Variants in MCM8 observed in about 807,000 individuals in gnomAD.
MCM8 encodes the protein minichromosome maintenance 8 homologous recombination repair factor, also known as DNA helicase MCM8.
Under a neutral mutation model 98.9 loss-of-function variants are expected in MCM8, and 85 were observed. The ratio of observed to expected loss-of-function variants is 0.86; its 90% CI spans 0.72 to 1.03. MCM8 has a LOEUF of 1.03. Ranked by LOEUF, MCM8 falls within the 50% of genes least tolerant of loss-of-function variation. MCM8 has a pLI of 0.00. For synonymous variants in MCM8, 352 were observed against 338.6 expected, an observed-to-expected ratio of 1.04 and a Z score of -0.44; for missense variants, 951 against 997.8, an observed-to-expected ratio of 0.95 and a Z score of 0.63.
In MCM8 at chr20:5,993,506, C is replaced by G; in HGVS notation, c.2241C>G (p.Ser747Arg). Residue 747 changes from serine to arginine, a missense_variant and splice_region_variant, in exon 18 of 19, where the codon AGC (serine) becomes AGG (arginine). Ser to Arg is a moderately radical substitution (Grantham distance 110, BLOSUM62 -1). Transcript: ENST00000610722. ...AATTTTTTCTTCCTTTCTTTTTAAGCATGCTAGGAACTTACTCTGATGAAT... is the reference window on the plus strand; with the variant it reads ...AATTTTTTCTTCCTTTCTTTTTAAGGATGCTAGGAACTTACTCTGATGAAT... ...AEDIVEIMKY[S>R]MLGTYSDEFG... The G allele has an allele frequency of 6.6e-7, 1 of 1,515,342 alleles. No individual in the cohort carries two copies. Among genetic ancestry groups the G allele is most frequent in the Admixed American group, 2.0e-5 (1 of 50,828 alleles). 93.9% of individuals were successfully genotyped at this position (1,515,342 alleles called of 1,614,324 possible).
At chr20:5,952,385 C>A in intron 2 of MCM8, 39 bp from the exon 3 acceptor site, 1 of 1,597,558 alleles carries the variant, frequency 6.3e-7, no homozygotes, top group South Asian at 1.1e-5. Flanking sequence ...GAAAAATGTT[C>A]ACTCTGTTTC....
chr20:5,973,313 G>A (rs539357970), intron 12 of MCM8, 117 bp downstream of exon 12: 10 of 1,301,504 alleles, frequency 7.7e-6, no homozygotes, highest in Admixed American at 2.2e-5. Context: ...GTTAGGTGGC[G>A]TAAATGAATT....
intron 18 of MCM8, 106 bp from the exon 19 acceptor site, chr20:5,994,193 G>T: frequency 1.7e-6 from 1 of 586,764 alleles, no homozygotes; most frequent in Non-Finnish European, 2.8e-6. Flanking sequence ...AATTTTATTT[G>T]GCCAAGAAAC....
rs183297393 is a variant in MCM8 at position 5,963,964 on chromosome 20, C to A, written c.875+605C>A. 2.6e-3 allele frequency among the ~76,000 whole-genome samples: 397 copies of A among 152,244 alleles called. 2 individuals are homozygous for A. The highest frequency in any genetic ancestry group is 9.1e-3 in the African/African-American group (380 of 41,534). On this transcript the variant is annotated intron_variant, in intron 8 of 18. Transcript: ENST00000610722. Reference sequence around the variant, plus strand: ...TGTGATTAATTGAACTGGATATAGGCCATAAGCAAAGCTGTGTGCTTCATT... The same window carrying A: ...TGTGATTAATTGAACTGGATATAGGACATAAGCAAAGCTGTGTGCTTCATT...
At position 5,995,894 on chromosome 20, in the gene MCM8, A is replaced by T. The variant is rs1162095054; in HGVS notation, c.*1503A>T. On this transcript the variant is annotated 3_prime_UTR_variant, in exon 19 of 19. Coordinates refer to ENST00000610722, the MANE Select transcript of MCM8 (RefSeq NM_032485.6). ...TGTAAATAAAAAGAACTGGCAGTGTATATCAGATGTTTAACTATAGGACCA... is the reference window on the plus strand; with the variant it reads ...TGTAAATAAAAAGAACTGGCAGTGTTTATCAGATGTTTAACTATAGGACCA... The T allele has an allele frequency of 6.6e-6, 1 of 152,274 alleles. No individual in the cohort carries two copies. The highest frequency in any genetic ancestry group is 2.4e-5 in the African/African-American group (1 of 41,478). The allele number at this position is 152,274 out of a possible 1,614,324, so 9.4% of individuals were successfully genotyped here.
At chr20:5,993,910 C>T (rs1025570618) in intron 18 of MCM8, 12 of 426,258 alleles carry the variant, frequency 2.8e-5, no homozygotes, top group African/African-American at 4.0e-5. Flanking sequence ...CATCTTTTAA[C>T]GTTGCATCCC....
At chr20:5,956,401 G>A (rs976208792) in intron 5 of MCM8, among the ~76,000 whole-genome samples, 1 of 152,136 alleles carries the variant, frequency 6.6e-6, no homozygotes, top group African/African-American at 2.4e-5. Flanking sequence ...GTGTACAAGT[G>A]GTATTAAATG....
In MCM8 at chr20:5,994,628, A is replaced by C. The variant is rs577864424; in HGVS notation, c.*237A>C. Reference sequence around the variant, plus strand: ...AAGAAGTGATAAAGTCTCCAGATGCAGTAGCTCACACTGTAATCACAGTGA... The same window carrying C: ...AAGAAGTGATAAAGTCTCCAGATGCCGTAGCTCACACTGTAATCACAGTGA... On this transcript the variant is annotated 3_prime_UTR_variant, in exon 19 of 19. Transcript: ENST00000610722. The C allele has an allele frequency of 8.1e-6, 4 of 491,270 alleles. No individual in the cohort carries two copies. The highest frequency in any genetic ancestry group is 1.5e-5 in the Non-Finnish European group (4 of 271,824). 30.4% of individuals were successfully genotyped at this position (491,270 alleles called of 1,614,324 possible). A position where few individuals can be genotyped will look rare whatever the true frequency, so the allele number is the denominator to read the frequency against.
intron 3 of MCM8, among the ~76,000 whole-genome samples, chr20:5,953,470 T>TGC (rs1555784895): frequency 1.4e-5 from 2 of 139,682 alleles, no homozygotes; most frequent in Admixed American, 7.1e-5. Flanking sequence ...TGTGTGTGTG[T>TGC]GCATACTTTT....
In MCM8 at chr20:5,963,275, G is replaced by A. The variant is rs1051929341; in HGVS notation, c.791G>A (p.Cys264Tyr). 7 of 1,612,150 alleles carry A rather than the reference G, an allele frequency of 4.3e-6. No homozygotes were observed. The highest frequency in any genetic ancestry group is 5.9e-6 in the Non-Finnish European group (7 of 1,178,458). The change falls in exon 8 of 19, where the codon TGT becomes TAT. Residue 264 changes from cysteine to tyrosine, a missense_variant and splice_region_variant. By Grantham distance (194) the Cys-to-Tyr change is radical (BLOSUM62 -2). Transcript: ENST00000610722. ...PDGKYSLPTK[C>Y]PVPVCRGRSF... is the part of the protein sequence containing the mutation. ...GTGAATTACTTTTGTTTCATTCAGT[G>A]TCCTGTGCCTGTGTGTCGAGGCAGG...
At position 5,963,292 on chromosome 20, in the gene MCM8, C is replaced by T. The variant is rs139650578; in HGVS notation, c.808C>T (p.Arg270Ter). 4.3e-6 allele frequency: 7 copies of T among 1,613,616 alleles called. No homozygotes were observed. The highest frequency in any genetic ancestry group is 2.2e-5 in the East Asian group (1 of 44,850). ...LPTKCPVPVC[R>*]GRSFTALRSS... ...CATTCAGTGTCCTGTGCCTGTGTGT[C>T]GAGGCAGGTCATTTACTGCTCTCCG... is the stretch of plus-strand genomic sequence containing the variant. The change falls in exon 8 of 19, where the codon CGA becomes TGA. Residue 270 changes from arginine (R) to a stop codon, truncating the protein, a stop_gained. Coordinates refer to ENST00000610722, the MANE Select transcript of MCM8 (RefSeq NM_032485.6). LOFTEE classifies it high-confidence loss of function.
chr20:5,957,301 AT>A, intron 6 of MCM8, 72 bp downstream of exon 6: 1 of 1,118,110 alleles, frequency 8.9e-7, no homozygotes, highest in Non-Finnish European at 1.3e-6. Context: ...GAAAACGCTC[AT>A]TTTATAAAAA....
Position 5,994,882 on chromosome 20 carries a change from C to T in MCM8, c.*491C>T. ...CACAATCACACCAATCACTGCACTC[C>T]AGCCTGGGCAATAAAGTAACTCTTG... On this transcript the variant is annotated 3_prime_UTR_variant, in exon 19 of 19. Coordinates refer to ENST00000610722, the MANE Select transcript of MCM8 (RefSeq NM_032485.6). 4.9e-6 allele frequency: 1 copy of T among 205,908 alleles called. No individual in the cohort carries two copies. The highest frequency in any genetic ancestry group is 1.0e-5 in the Non-Finnish European group (1 of 98,416). The allele number at this position is 205,908 out of a possible 1,614,324, so 12.8% of individuals were successfully genotyped here. A position where few individuals can be genotyped will look rare whatever the true frequency, so the allele number is the denominator to read the frequency against.
intron 8 of MCM8, among the ~76,000 whole-genome samples, chr20:5,966,681 C>T (rs1449055485): frequency 6.6e-6 from 1 of 152,110 alleles, no homozygotes; most frequent in Non-Finnish European, 1.5e-5. Flanking sequence ...AAGACTTTAC[C>T]TCTAAATACA....
chr20:5,952,336 CTATTAAT>C, intron 2 of MCM8, 81 bp from the exon 3 acceptor site: 1 of 1,567,570 alleles, frequency 6.4e-7, no homozygotes, highest in Non-Finnish European at 8.7e-7. Flanking sequence ...TTTGGATACT[CTATTAAT>C]GAGAGTCTCA....
At chr20:5,965,944 C>T (rs1290331310) in intron 8 of MCM8, among the ~76,000 whole-genome samples, 1 of 152,028 alleles carries the variant, frequency 6.6e-6, no homozygotes, top group Non-Finnish European at 1.5e-5. Context: ...CCTGCTTCAT[C>T]CTGGGATCTT....
chr20:5,975,285 T>C (rs1304823803), intron 12 of MCM8, among the ~76,000 whole-genome samples: 2 of 151,476 alleles, frequency 1.3e-5, no homozygotes, highest in Admixed American at 6.6e-5. Context: ...GAAAACATTA[T>C]GTTTAGAATA....
chr20:5,964,224 A>G (rs2089225326), intron 8 of MCM8, among the ~76,000 whole-genome samples: 1 of 151,788 alleles, frequency 6.6e-6, no homozygotes, highest in Non-Finnish European at 1.5e-5. Flanking sequence ...TCATCCCTAA[A>G]TATAAAATAA....
At chr20:5,969,330 G>A (rs2089348515) in intron 10 of MCM8, among the ~76,000 whole-genome samples, 2 of 152,158 alleles carry the variant, frequency 1.3e-5, no homozygotes, top group South Asian at 4.1e-4. Flanking sequence ...AGTGGCTCAA[G>A]CCCGTAATCC....
Sources: allele counts gnomAD v4.1 joint callset (sites outside exome capture counted in the v4.1 genomes callset), GRCh38; gene constraint gnomAD v4.1.1; transcripts MANE v1.5; gene names NCBI Gene and HGNC (gene_info 2026-07-23, HGNC 2026-07-21).